The following XKR6 variants were observed in gnomAD, a reference collection of about 807,000 sequenced individuals.
XKR6 encodes the protein XK related 6.
Under a neutral mutation model 56.7 loss-of-function variants are expected in XKR6, and 22 were observed. The observed-to-expected ratio is 0.39, with a 90% CI of 0.28 to 0.55. The LOEUF is 0.55. Among genes scored for constraint, XKR6 ranks in the 20% least tolerant of loss-of-function variants. XKR6 has a pLI of 0.66. For synonymous variants in XKR6, 524 were observed against 387.8 expected, an observed-to-expected ratio of 1.35 and a Z score of -4.13; for missense variants, 852 against 889.0, an observed-to-expected ratio of 0.96 and a Z score of 0.53.
intron 1 of XKR6, among the ~76,000 whole-genome samples, chr8:10,986,436 C>T (rs997322055): frequency 6.6e-6 from 1 of 152,036 alleles, no homozygotes; most frequent in Non-Finnish European, 1.5e-5. Flanking sequence ...AAATTTGTAA[C>T]AACTATGAAA....
At chr8:11,103,816 A>G (rs371428471) in intron 1 of XKR6, among the ~76,000 whole-genome samples, 5 of 152,232 alleles carry the variant, frequency 3.3e-5, no homozygotes, top group African/African-American at 1.2e-4. Flanking sequence ...AGGCAAAATC[A>G]TTTCAATAAG....
chr8:11,033,577 A>C (rs758174407), intron 1 of XKR6, among the ~76,000 whole-genome samples: 1 of 152,168 alleles, frequency 6.6e-6, no homozygotes, highest in Non-Finnish European at 1.5e-5. Flanking sequence ...GGTGATGGTG[A>C]TGATACTGTT....
chr8:11,082,775 C>T (rs1349618845), intron 1 of XKR6, among the ~76,000 whole-genome samples: 3 of 152,184 alleles, frequency 2.0e-5, no homozygotes, highest in African/African-American at 7.2e-5. Context: ...GGCCTTTGGG[C>T]CGTCCTCGAA....
chr8:11,124,648 G>C (rs1799665193), intron 1 of XKR6: 1 of 153,070 alleles, frequency 6.5e-6, no homozygotes, highest in African/African-American at 2.4e-5. Context: ...AAACACTGCA[G>C]GGGGGTAGGA....
chr8:11,191,114 C>G (rs1232441657), intron 1 of XKR6, among the ~76,000 whole-genome samples: 1 of 152,138 alleles, frequency 6.6e-6, no homozygotes, highest in East Asian at 1.9e-4. Flanking sequence ...CTAAAATGAA[C>G]ACGAAGCTTA....
Position 10,898,288 on chromosome 8 carries a change from C to T in XKR6, c.1590G>A (p.Ala530=), listed in dbSNP as rs61745501. ...TCCCCCGGTACCCAGGGATCTCAGGCGCCATGGGCTCAACATCGGGGGGCA... is the reference window on the plus strand; with the variant it reads ...TCCCCCGGTACCCAGGGATCTCAGGTGCCATGGGCTCAACATCGGGGGGCA... ...IPLPPDVEPM[A]PEIPGYRGTQ... The change falls in exon 3 of 3, where the codon GCG becomes GCA. Residue 530 remains alanine (A), a synonymous_variant. Coordinates refer to ENST00000416569, the MANE Select transcript of XKR6 (RefSeq NM_173683.4). This position sits in a 1 kb window ranked among gnomAD's most constrained non-coding sequence, Gnocchi z 6.6. 9.6e-4 allele frequency: 1,552 copies of T among 1,614,052 alleles called. 2 individuals are homozygous for T. Among genetic ancestry groups the T allele is most frequent in the Non-Finnish European group, 1.2e-3 (1,380 of 1,179,962 alleles).
At chr8:10,997,182 C>T (rs1798132752) in intron 1 of XKR6, among the ~76,000 whole-genome samples, 1 of 152,098 alleles carries the variant, frequency 6.6e-6, no homozygotes, top group Non-Finnish European at 1.5e-5. Context: ...TTATAAATGA[C>T]CCCACCTAGC....
At chr8:11,109,017 C>G (rs1798790286) in intron 1 of XKR6, 1 of 152,186 alleles carries the variant, frequency 6.6e-6, no homozygotes. Context: ...ATGTATTCGT[C>G]CCTGGGTAAA....
chr8:11,110,463 C>T (rs1490215882), intron 1 of XKR6, among the ~76,000 whole-genome samples: 1 of 152,172 alleles, frequency 6.6e-6, no homozygotes, highest in African/African-American at 2.4e-5. Context: ...GGATAATCCA[C>T]CAACCATCAA....
chr8:11,167,805 T>C (rs1227910988), intron 1 of XKR6, among the ~76,000 whole-genome samples: 1 of 151,188 alleles, frequency 6.6e-6, no homozygotes, highest in East Asian at 1.9e-4. Flanking sequence ...GCTCCTGGCA[T>C]TCAAGGAAAT....
At chr8:11,183,633 A>G (rs896194971) in intron 1 of XKR6, among the ~76,000 whole-genome samples, 16 of 152,110 alleles carry the variant, frequency 1.1e-4, no homozygotes, top group African/African-American at 3.9e-4. Flanking sequence ...TATTTTCTGG[A>G]TTTTTAAAAA....
At chr8:11,103,486 T>C (rs1798562787) in intron 1 of XKR6, among the ~76,000 whole-genome samples, 2 of 152,202 alleles carry the variant, frequency 1.3e-5, no homozygotes, top group South Asian at 2.1e-4. Flanking sequence ...GTGGAAAAAC[T>C]ACCTGACAAT....
intron 1 of XKR6, among the ~76,000 whole-genome samples, chr8:11,048,595 C>A (rs1799467591): frequency 6.6e-6 from 1 of 152,156 alleles, no homozygotes; most frequent in South Asian, 2.1e-4. Context: ...TTTTAAAGGC[C>A]CCCGAGGATT....
chr8:10,913,703 AG>A (rs1800475810), intron 2 of XKR6, among the ~76,000 whole-genome samples: 1 of 152,186 alleles, frequency 6.6e-6, no homozygotes, highest in Non-Finnish European at 1.5e-5. Context: ...GTGCAAAGCC[AG>A]GCCCCTTTGG....
chr8:10,922,197 C>A (rs930485695), intron 2 of XKR6, among the ~76,000 whole-genome samples: 1 of 152,252 alleles, frequency 6.6e-6, no homozygotes, highest in African/African-American at 2.4e-5. Flanking sequence ...TATAGTAGCA[C>A]AAATGGGCTA....
chr8:11,016,616 G>C (rs1026525975), intron 1 of XKR6, among the ~76,000 whole-genome samples: 1 of 152,174 alleles, frequency 6.6e-6, no homozygotes, highest in Non-Finnish European at 1.5e-5. Context: ...CGGGCCCTCG[G>C]TAGGGGGCGT....
chr8:11,086,236 T>C (rs959605454), intron 1 of XKR6, among the ~76,000 whole-genome samples: 2 of 152,024 alleles, frequency 1.3e-5, no homozygotes, highest in African/African-American at 4.8e-5. Flanking sequence ...AACAGTTGCT[T>C]AAATGTAAAT....
At chr8:11,021,634 G>A (rs561781065) in intron 1 of XKR6, among the ~76,000 whole-genome samples, 1 of 152,062 alleles carries the variant, frequency 6.6e-6, no homozygotes, top group Non-Finnish European at 1.5e-5. Flanking sequence ...GATCCCAAAC[G>A]CTCCAGAGTC....
At chr8:11,043,793 A>G (rs753473955) in intron 1 of XKR6, among the ~76,000 whole-genome samples, 13 of 152,226 alleles carry the variant, frequency 8.5e-5, no homozygotes, top group Non-Finnish European at 1.9e-4. Context: ...TTTTCATTTA[A>G]ACACTAGAAA....
Sources: gnomAD v4.1 joint callset for allele counts (sites outside exome capture counted in the v4.1 genomes callset) on GRCh38, gnomAD v4.1.1 for gene constraint, Gnocchi (gnomAD v3.1) non-coding constraint, MANE v1.5 for transcripts, NCBI Gene and HGNC (gene_info 2026-07-23, HGNC 2026-07-21) for gene names.